The following CDKAL1 variants were observed in gnomAD, a reference collection of about 807,000 sequenced individuals.
CDKAL1 encodes CDKAL1 threonylcarbamoyladenosine tRNA methylthiotransferase.
Under a neutral mutation model 68.2 loss-of-function variants are expected in CDKAL1, and 32 were observed. The observed-to-expected ratio is 0.47, with a 90% CI of 0.35 to 0.63. The LOEUF is 0.63. CDKAL1 is among the 30% of genes least tolerant of loss of function. CDKAL1 has a pLI of 0.00. For synonymous variants in CDKAL1, 234 were observed against 244.3 expected, an observed-to-expected ratio of 0.96 and a Z score of 0.39; for missense variants, 606 against 696.7, an observed-to-expected ratio of 0.87 and a Z score of 1.47.
chr6:20,854,539 C>T (rs1759216901), intron 9 of CDKAL1, among the ~76,000 whole-genome samples: 1 of 152,140 alleles, frequency 6.6e-6, no homozygotes, highest in Non-Finnish European at 1.5e-5. Context: ...TTACTTCTGC[C>T]AGTAAGGAGG....
intron 10 of CDKAL1, among the ~76,000 whole-genome samples, chr6:20,975,527 A>G (rs1765803144): frequency 6.6e-6 from 1 of 152,246 alleles, no homozygotes. Flanking sequence ...CTTTGCATAC[A>G]TAACATCTAT....
intron 6 of CDKAL1, among the ~76,000 whole-genome samples, chr6:20,742,634 G>A (rs1265549761): frequency 1.3e-5 from 2 of 151,162 alleles, no homozygotes; most frequent in Admixed American, 1.3e-4. Flanking sequence ...GAATTTTCTA[G>A]TTTTTAGGAA....
chr6:20,680,633 A>G lies in CDKAL1; in HGVS notation c.371+31256A>G, dbSNP rs9368220. Among the ~76,000 whole-genome samples the G allele has an allele frequency of 7.2e-5, 11 of 152,312 alleles. No homozygotes were observed. In the East Asian group the frequency reaches 1.9e-3, roughly 27 times the overall value. On this transcript the variant is annotated intron_variant, in intron 5 of 15. Coordinates refer to ENST00000274695, the MANE Select transcript of CDKAL1 (RefSeq NM_017774.3). ...GTCTGGAATTGTTCTTTCTATAAGCAAGACTTTATTAATACTGAATGTTAT... is the reference window on the plus strand; with the variant it reads ...GTCTGGAATTGTTCTTTCTATAAGCGAGACTTTATTAATACTGAATGTTAT...
At chr6:21,200,822 AGTCCACTTT>A (rs1473570627) in intron 14 of CDKAL1, 10 of 225,728 alleles carry the variant, frequency 4.4e-5, no homozygotes, top group Non-Finnish European at 7.9e-5. Flanking sequence ...TAGAAGATAG[AGTCCACTTT>A]GTAGGGGATC....
chr6:21,044,986 G>A (rs1053260966), intron 11 of CDKAL1, among the ~76,000 whole-genome samples: 1 of 152,218 alleles, frequency 6.6e-6, no homozygotes, highest in South Asian at 2.1e-4. Context: ...AAGGGAGGGA[G>A]GGACAAGATA....
At chr6:21,019,709 A>T (rs1010254092) in intron 11 of CDKAL1, among the ~76,000 whole-genome samples, 4 of 152,148 alleles carry the variant, frequency 2.6e-5, no homozygotes, top group African/African-American at 9.7e-5. Context: ...TTTTTTTCTT[A>T]ATTAATTGGA....
chr6:20,535,032 G>A (rs1209885145), intron 1 of CDKAL1: 2 of 152,120 alleles, frequency 1.3e-5, no homozygotes, highest in African/African-American at 4.8e-5. Flanking sequence ...TTATCTTTCG[G>A]ATGGAACGTG....
At chr6:21,006,431 A>G (rs9348453) in intron 11 of CDKAL1, among the ~76,000 whole-genome samples, 27,863 of 152,114 alleles carry the variant, frequency 0.18, 2,817 homozygotes, top group Admixed American at 0.26. Flanking sequence ...TTCCCTGAAA[A>G]ATGTTTTCTG....
chr6:21,161,938 T>A (rs556555126), intron 13 of CDKAL1, among the ~76,000 whole-genome samples: 1 of 152,318 alleles, frequency 6.6e-6, no homozygotes, highest in African/African-American at 2.4e-5. Flanking sequence ...AAATTCAAAA[T>A]GCCTTTTTCA....
intron 7 of CDKAL1, among the ~76,000 whole-genome samples, chr6:20,772,311 A>G (rs1247244761): frequency 6.6e-6 from 1 of 152,166 alleles, no homozygotes; most frequent in African/African-American, 2.4e-5. Context: ...ACAGCTAATG[A>G]CCTGAAGAGT....
At chr6:20,800,952 C>G (rs1776341398) in intron 8 of CDKAL1, among the ~76,000 whole-genome samples, 1 of 151,848 alleles carries the variant, frequency 6.6e-6, no homozygotes, top group Non-Finnish European at 1.5e-5. Context: ...AGGTCTTGCC[C>G]TGTCATCCAG....
chr6:21,063,410 C>A (rs1188228781), intron 11 of CDKAL1, among the ~76,000 whole-genome samples: 1 of 152,178 alleles, frequency 6.6e-6, no homozygotes, highest in Non-Finnish European at 1.5e-5. Flanking sequence ...GAAATGACTT[C>A]CAAGATGCCA....
intron 4 of CDKAL1, among the ~76,000 whole-genome samples, chr6:20,623,673 T>C (rs1169105974): frequency 6.6e-6 from 1 of 152,118 alleles, no homozygotes; most frequent in Non-Finnish European, 1.5e-5. Flanking sequence ...TATTTGTTGG[T>C]TCCTAAGTCA....
intron 9 of CDKAL1, among the ~76,000 whole-genome samples, chr6:20,890,595 A>G (rs1432138625): frequency 6.6e-6 from 1 of 152,212 alleles, no homozygotes; most frequent in Admixed American, 6.5e-5. Flanking sequence ...GTGACATTCC[A>G]GGTTTTCTCT....
Position 20,752,670 on chromosome 6 carries a change from G to A in CDKAL1, c.469-5925G>A, listed in dbSNP as rs184769131. Among the ~76,000 whole-genome samples the A allele has an allele frequency of 8.7e-4, 133 of 152,026 alleles. 1 individual carries two copies. Among genetic ancestry groups the A allele is most frequent in the Admixed American group, 4.1e-3 (62 of 15,262 alleles). On this transcript the variant is annotated intron_variant, in intron 6 of 15. Coordinates refer to ENST00000274695, the MANE Select transcript of CDKAL1 (RefSeq NM_017774.3). Reference sequence around the variant, plus strand: ...GTGTACACATTTTCCCCCTGATCCCGATCCTTATGAAAGTGAGTTGCAACC... The same window carrying A: ...GTGTACACATTTTCCCCCTGATCCCAATCCTTATGAAAGTGAGTTGCAACC...
chr6:20,594,360 C>T (rs1324852199), intron 4 of CDKAL1, among the ~76,000 whole-genome samples: 2 of 152,172 alleles, frequency 1.3e-5, no homozygotes, highest in African/African-American at 2.4e-5. Flanking sequence ...CGGGGCGCTC[C>T]TGTATTGGGT....
chr6:21,187,748 G>T (rs1778070630), intron 13 of CDKAL1, among the ~76,000 whole-genome samples: 1 of 152,032 alleles, frequency 6.6e-6, no homozygotes, highest in Non-Finnish European at 1.5e-5. Flanking sequence ...TTTTGCTTTT[G>T]CTTTTCTCTT....
intron 13 of CDKAL1, among the ~76,000 whole-genome samples, chr6:21,111,482 T>C (rs574620018): frequency 6.6e-6 from 1 of 152,208 alleles, no homozygotes; most frequent in African/African-American, 2.4e-5. Context: ...CTTCTTTCCT[T>C]CCCCCAACCA....
chr6:20,700,268 T>C (rs1045359759), intron 5 of CDKAL1, among the ~76,000 whole-genome samples: 4 of 151,474 alleles, frequency 2.6e-5, no homozygotes, highest in Non-Finnish European at 5.9e-5. Flanking sequence ...GGCAGGAGAA[T>C]CACTTGAACC....
Sources: allele counts gnomAD v4.1 joint callset (sites outside exome capture counted in the v4.1 genomes callset), GRCh38; gene constraint gnomAD v4.1.1; transcripts MANE v1.5; gene names NCBI Gene and HGNC (gene_info 2026-07-23, HGNC 2026-07-21).